Variants in VWC2L observed in about 807,000 individuals in gnomAD.
The protein encoded by VWC2L is von Willebrand factor C domain containing 2 like.
Under a neutral mutation model 21.6 loss-of-function variants are expected in VWC2L, and 10 were observed. The ratio of observed to expected loss-of-function variants is 0.46; its 90% CI spans 0.29 to 0.78. VWC2L has a LOEUF of 0.78. VWC2L is among the 30% of genes least tolerant of loss of function. The probability of loss-of-function intolerance (pLI) is 0.10; values close to 1 mark genes in which losing one functional copy is unlikely to be tolerated. For synonymous variants in VWC2L, 96 were observed against 94.3 expected, an observed-to-expected ratio of 1.02 and a Z score of -0.10; for missense variants, 209 against 277.1, an observed-to-expected ratio of 0.75 and a Z score of 1.74.
intron 3 of VWC2L, among the ~76,000 whole-genome samples, chr2:214,544,088 A>G (rs1262068756): frequency 3.3e-5 from 5 of 152,210 alleles, no homozygotes; most frequent in Admixed American, 6.5e-5. Context: ...AAGACTCAGA[A>G]AGATCACACA....
chr2:214,509,076 CAG>C (rs1689013744), intron 3 of VWC2L, among the ~76,000 whole-genome samples: 1 of 152,104 alleles, frequency 6.6e-6, no homozygotes. Context: ...ACTGAATTGC[CAG>C]AGTTCCCCAG....
intron 3 of VWC2L, among the ~76,000 whole-genome samples, chr2:214,507,316 T>A (rs998119559): frequency 2.0e-5 from 3 of 152,220 alleles, no homozygotes; most frequent in Non-Finnish European, 4.4e-5. Flanking sequence ...TTGAACTTTA[T>A]CTGAAGTCCT....
intron 3 of VWC2L, among the ~76,000 whole-genome samples, chr2:214,471,015 G>T (rs1479778703): frequency 6.7e-6 from 1 of 148,508 alleles, no homozygotes; most frequent in South Asian, 2.2e-4. Context: ...TTGATCAAAT[G>T]TATATCCTGA....
At chr2:214,482,011 C>G (rs1316811655) in intron 3 of VWC2L, among the ~76,000 whole-genome samples, 1 of 152,086 alleles carries the variant, frequency 6.6e-6, no homozygotes, top group Non-Finnish European at 1.5e-5. Context: ...CAAACCAACC[C>G]CTGATTTTAA....
intron 3 of VWC2L, among the ~76,000 whole-genome samples, chr2:214,449,541 G>A (rs1457770089): frequency 6.6e-6 from 1 of 152,150 alleles, no homozygotes; most frequent in East Asian, 1.9e-4. Context: ...CGCAAACAAA[G>A]GAAACTTGCA....
intron 3 of VWC2L, among the ~76,000 whole-genome samples, chr2:214,534,980 C>T (rs780619648): frequency 2.0e-5 from 3 of 152,086 alleles, no homozygotes; most frequent in Non-Finnish European, 4.4e-5. Flanking sequence ...CTGCCTGACC[C>T]ATTCAGTTTC....
chr2:214,554,337 A>C (rs1689841915), intron 3 of VWC2L, among the ~76,000 whole-genome samples: 1 of 152,198 alleles, frequency 6.6e-6, no homozygotes, highest in Non-Finnish European at 1.5e-5. Flanking sequence ...ATTCCAAAGT[A>C]AGCCTGAAAA....
Position 214,499,009 on chromosome 2 carries a change from C to CTTTTTTTTTTTTT in VWC2L, c.520+62268_520+62280dup, listed in dbSNP as rs56085205. On this transcript the variant is annotated intron_variant, in intron 3 of 3. Coordinates refer to ENST00000312504, the MANE Select transcript of VWC2L (RefSeq NM_001080500.4). ...CTTCTGAGGCTTATATCGTACCATTCTTTTTTTTTTTTTTTTTTTTTTTTT... is the reference window on the plus strand; with the variant it reads ...CTTCTGAGGCTTATATCGTACCATTCTTTTTTTTTTTTTTTTTTTTTTTTTTTTTTTTTTTTTT... Among the ~76,000 whole-genome samples the CTTTTTTTTTTTTT allele has an allele frequency of 6.0e-5, 5 of 83,422 alleles. 1 individual carries two copies. Among genetic ancestry groups the CTTTTTTTTTTTTT allele is most frequent in the African/African-American group, 3.0e-4 (5 of 16,474 alleles). 54.7% of individuals were successfully genotyped at this position (83,422 alleles called of 152,430 possible). A position where few individuals can be genotyped will look rare whatever the true frequency, so the allele number is the denominator to read the frequency against.
chr2:214,506,151 T>C (rs1257107096), intron 3 of VWC2L, among the ~76,000 whole-genome samples: 1 of 152,196 alleles, frequency 6.6e-6, no homozygotes, highest in Non-Finnish European at 1.5e-5. Flanking sequence ...AAAAGGCTGT[T>C]TCCTATCGAC....
intron 3 of VWC2L, among the ~76,000 whole-genome samples, chr2:214,556,856 G>C (rs769582186): frequency 2.0e-5 from 3 of 152,068 alleles, no homozygotes; most frequent in Non-Finnish European, 4.4e-5. Flanking sequence ...TTTGCTCCTA[G>C]CATCCCAAAT....
chr2:214,453,000 A>C (rs1702999408), intron 3 of VWC2L, among the ~76,000 whole-genome samples: 1 of 152,182 alleles, frequency 6.6e-6, no homozygotes, highest in Non-Finnish European at 1.5e-5. Flanking sequence ...ATGCTTTGCA[A>C]CTATTTCCCA....
chr2:214,445,240 T>C (rs1190823561), intron 3 of VWC2L, among the ~76,000 whole-genome samples: 2 of 151,736 alleles, frequency 1.3e-5, no homozygotes, highest in Non-Finnish European at 3.0e-5. Context: ...CTTTAAAAAA[T>C]TGATCAAAAA....
At chr2:214,439,962 T>A (rs972801303) in intron 3 of VWC2L, among the ~76,000 whole-genome samples, 6 of 151,940 alleles carry the variant, frequency 3.9e-5, no homozygotes, top group African/African-American at 1.2e-4. Flanking sequence ...TGGTACCATG[T>A]CTTTATTCTT....
intron 3 of VWC2L, among the ~76,000 whole-genome samples, chr2:214,498,785 G>A (rs997158694): frequency 2.0e-5 from 3 of 149,224 alleles, no homozygotes; most frequent in African/African-American, 7.4e-5. Context: ...TTTAATATGT[G>A]TACATATACA....
intron 3 of VWC2L, among the ~76,000 whole-genome samples, chr2:214,488,674 G>A (rs1688706402): frequency 6.6e-6 from 1 of 152,204 alleles, no homozygotes; most frequent in South Asian, 2.1e-4. Flanking sequence ...GAATACCTGA[G>A]ACTGGGTAAT....
intron 3 of VWC2L, among the ~76,000 whole-genome samples, chr2:214,522,192 G>A (rs12617527): frequency 0.51 from 77,599 of 151,510 alleles, 20,380 homozygotes; most frequent in East Asian, 0.73. Flanking sequence ...TGGCTAACAC[G>A]GTGAAACCCC....
At chr2:214,422,163 C>T (rs956627208) in intron 2 of VWC2L, among the ~76,000 whole-genome samples, 2 of 152,198 alleles carry the variant, frequency 1.3e-5, no homozygotes, top group Non-Finnish European at 1.5e-5. Context: ...GCTGGGATTA[C>T]AGGCGTGAGC....
intron 3 of VWC2L, among the ~76,000 whole-genome samples, chr2:214,455,582 T>C (rs1209414860): frequency 1.3e-5 from 2 of 152,218 alleles, no homozygotes; most frequent in African/African-American, 4.8e-5. Flanking sequence ...TTTTGAAATA[T>C]ACAATATATT....
At chr2:214,546,429 T>C (rs2105923137) in intron 3 of VWC2L, among the ~76,000 whole-genome samples, 1 of 152,276 alleles carries the variant, frequency 6.6e-6, no homozygotes, top group Non-Finnish European at 1.5e-5. Context: ...AGTAATGTTC[T>C]AGTGGGGGCA....
Sources: allele counts gnomAD v4.1 joint callset (sites outside exome capture counted in the v4.1 genomes callset), GRCh38; gene constraint gnomAD v4.1.1; transcripts MANE v1.5; gene names NCBI Gene and HGNC (gene_info 2026-07-23, HGNC 2026-07-21).